PPM1A: variants seen among roughly 807,000 people sequenced by gnomAD.
The protein encoded by PPM1A is protein phosphatase, Mg2+/Mn2+ dependent 1A, also known as protein phosphatase 1A.
Under a neutral mutation model 35.0 loss-of-function variants are expected in PPM1A, and 7 were observed. The ratio of observed to expected loss-of-function variants is 0.20; its 90% CI spans 0.11 to 0.38. The LOEUF (loss-of-function observed/expected upper bound fraction) is 0.38. Ranked by LOEUF, PPM1A falls within the 10% of genes least tolerant of loss-of-function variation. PPM1A has a pLI of 1.00. For synonymous variants in PPM1A, 153 were observed against 167.3 expected, an observed-to-expected ratio of 0.91 and a Z score of 0.66; for missense variants, 239 against 467.8, an observed-to-expected ratio of 0.51 and a Z score of 4.51.
upstream of PPM1A, chr14:60,245,937 G>A (rs1344741912): frequency 1.9e-6 from 3 of 1,578,478 alleles, no homozygotes; most frequent in Non-Finnish European, 2.6e-6. This position sits in a 1 kb window ranked among gnomAD's most constrained non-coding sequence, Gnocchi z 4.2. Context: ...GGAAGAGAAG[G>A]GCAAAGAAGG....
chr14:60,247,386 T>A (rs897131800), upstream of PPM1A, among the ~76,000 whole-genome samples: 1 of 151,918 alleles, frequency 6.6e-6, no homozygotes, highest in Non-Finnish European at 1.5e-5. Context: ...TCCCAGCACT[T>A]TGGGAGGCCG....
In PPM1A at chr14:60,283,732, G is replaced by A. The variant is rs1283373356; in HGVS notation, c.834+195G>A. On this transcript the variant is annotated intron_variant, in intron 2 of 5. Transcript: ENST00000395076. The surrounding 1 kb of genome is among the most constrained non-coding windows in gnomAD (Gnocchi z 6.3). ...TTACCCAATTACCATCTCTGCAAGA[G>A]TTATAAGCTGAATGTTTAGTCTTAC... Among the ~76,000 whole-genome samples the A allele has an allele frequency of 6.6e-6, 1 of 152,166 alleles. No individual in the cohort carries two copies. The highest frequency in any genetic ancestry group is 1.5e-5 in the Non-Finnish European group (1 of 68,038).
upstream of PPM1A, chr14:60,249,165 CGGAGGGGTGGGGGAGG>C (rs1217993512): frequency 2.2e-6 from 2 of 916,438 alleles, no homozygotes; most frequent in African/African-American, 3.6e-5. The surrounding 1 kb of genome is among the most constrained non-coding windows in gnomAD (Gnocchi z 4.5). Flanking sequence ...GCGGGGCGAG[CGGAGGGGTGGGGGAGG>C]GGCGACGCGG....
Position 60,296,189 on chromosome 14 carries a change from T to C in PPM1A, c.*3707T>C, listed in dbSNP as rs1269849668. 6.6e-6 allele frequency: 1 copy of C among 151,754 alleles called. No homozygotes were observed. Among genetic ancestry groups the C allele is most frequent in the Non-Finnish European group, 1.5e-5 (1 of 67,702 alleles). The allele number at this position is 151,754 out of a possible 1,614,324, so 9.4% of individuals were successfully genotyped here. On this transcript the variant is annotated 3_prime_UTR_variant, in exon 6 of 6. Coordinates refer to ENST00000395076, the MANE Select transcript of PPM1A (RefSeq NM_021003.5). This position sits in a 1 kb window ranked among gnomAD's most constrained non-coding sequence, Gnocchi z 4.4. ...CACACTGCCAGTGTTAATATCAAAT[T>C]TTAGCCAAATTATTACTATGTGTTT...
chr14:60,247,223 G>A (rs1310816380), upstream of PPM1A, among the ~76,000 whole-genome samples: 1 of 152,094 alleles, frequency 6.6e-6, no homozygotes, highest in Non-Finnish European at 1.5e-5. Flanking sequence ...TTTTTGGGGG[G>A]TCGGGGAGAT....
Position 60,285,529 on chromosome 14 carries a change from A to C in PPM1A, c.835-95A>C, listed in dbSNP as rs1886919738. 3 of 1,288,586 alleles carry C rather than the reference A, an allele frequency of 2.3e-6. No homozygotes were observed. The Admixed American group carries it at 6.5e-5, about 28-fold the overall frequency. The allele number at this position is 1,288,586 out of a possible 1,614,324, so 79.8% of individuals were successfully genotyped here. A position where few individuals can be genotyped will look rare whatever the true frequency, so the allele number is the denominator to read the frequency against. Reference sequence around the variant, plus strand: ...CCCTGAAAGTAACATTTTCACTAGAACAAGTATAACTGTAATTGGCACAGC... The same window carrying C: ...CCCTGAAAGTAACATTTTCACTAGACCAAGTATAACTGTAATTGGCACAGC... On this transcript the variant is annotated intron_variant, in intron 2 of 5. Transcript: ENST00000395076.
intron 1 of PPM1A, among the ~76,000 whole-genome samples, chr14:60,271,549 A>G (rs1475674574): frequency 6.6e-6 from 1 of 152,216 alleles, no homozygotes; most frequent in Admixed American, 6.5e-5. Flanking sequence ...CTCTGATGCC[A>G]TGGTGGAAAA....
rs772408566 is a variant in PPM1A, at chr14:60,289,660, ATT to A, written c.953-133_953-132del. The A allele has an allele frequency of 1.0e-3, 493 of 473,696 alleles. No homozygotes were observed. Among genetic ancestry groups the A allele is most frequent in the Middle Eastern group, 1.7e-3 (3 of 1,774 alleles). The allele number at this position is 473,696 out of a possible 1,614,324, so 29.3% of individuals were successfully genotyped here. On this transcript the variant is annotated intron_variant, in intron 3 of 5. Coordinates refer to ENST00000395076, the MANE Select transcript of PPM1A (RefSeq NM_021003.5). The surrounding 1 kb of genome is among the most constrained non-coding windows in gnomAD (Gnocchi z 4.1). ...TCATAAATCTTCAAAGGTCAACCTG[ATT>A]TTTTTTTTTTTTAAATGATACCAGA...
At chr14:60,263,856 T>C (rs1884062567) in intron 1 of PPM1A, among the ~76,000 whole-genome samples, 1 of 152,164 alleles carries the variant, frequency 6.6e-6, no homozygotes, top group South Asian at 2.1e-4. Context: ...TAAGGTAGTT[T>C]GTTTCTTTCT....
intron 1 of PPM1A, among the ~76,000 whole-genome samples, chr14:60,268,743 A>G (rs1271031226): frequency 6.6e-6 from 1 of 151,592 alleles, no homozygotes; most frequent in Admixed American, 6.6e-5. Flanking sequence ...CACATCTCAG[A>G]ATTTGATAGG....
chr14:60,287,596 A>G (rs1428180930), intron 3 of PPM1A: 2 of 984,980 alleles, frequency 2.0e-6, no homozygotes, highest in South Asian at 4.7e-5. Flanking sequence ...TGCCTTCACT[A>G]GATTGCTGTG....
chr14:60,275,671 C>T (rs771177297), intron 1 of PPM1A, among the ~76,000 whole-genome samples: 4 of 151,772 alleles, frequency 2.6e-5, no homozygotes, highest in Admixed American at 6.6e-5. Context: ...TACAGAGTCA[C>T]GCTATTTTGC....
In PPM1A at chr14:60,282,686, C is replaced by T; in HGVS notation, c.-18C>T. The T allele has an allele frequency of 6.2e-7, 1 of 1,612,532 alleles. No individual in the cohort carries two copies. Among genetic ancestry groups the T allele is most frequent in the African/African-American group, 1.3e-5 (1 of 74,980 alleles). Reference sequence around the variant, plus strand: ...TTCCTGTTTCTCTTCCTTTGCAGACCTAGAGGATCAAGACATAATGGGAGC... The same window carrying T: ...TTCCTGTTTCTCTTCCTTTGCAGACTTAGAGGATCAAGACATAATGGGAGC... On this transcript the variant is annotated splice_region_variant and 5_prime_UTR_variant, in exon 2 of 6. Coordinates refer to ENST00000395076, the MANE Select transcript of PPM1A (RefSeq NM_021003.5). The surrounding 1 kb of genome is among the most constrained non-coding windows in gnomAD (Gnocchi z 5.1).
rs956992307 is a variant in PPM1A, at chr14:60,249,741, G to A, written c.-21+64G>A. 14 of 952,630 alleles carry A rather than the reference G, an allele frequency of 1.5e-5. No individual in the cohort carries two copies. The African/African-American group carries it at 2.3e-4, about 16-fold the overall frequency. The allele number at this position is 952,630 out of a possible 1,614,324, so 59.0% of individuals were successfully genotyped here. ...GGTGCGGGCCTGCGCGGCGGCGGCG[G>A]CGGGCAGGCCTGGGGCCTGTAAACA... On this transcript the variant is annotated intron_variant, in intron 1 of 5. Transcript: ENST00000395076. The surrounding 1 kb of genome is among the most constrained non-coding windows in gnomAD (Gnocchi z 4.5).
At chr14:60,263,472 TATCTA>T (rs1265946224) in intron 1 of PPM1A, among the ~76,000 whole-genome samples, 1 of 152,236 alleles carries the variant, frequency 6.6e-6, no homozygotes. Context: ...ACTTCATTTG[TATCTA>T]ATCTATTTAA....
At chr14:60,249,219 C>T, upstream of PPM1A, 2 of 984,434 alleles carry the variant, frequency 2.0e-6, no homozygotes, top group Non-Finnish European at 2.4e-6. The surrounding 1 kb of genome is among the most constrained non-coding windows in gnomAD (Gnocchi z 4.5). Context: ...CGGGGCCGCG[C>T]TAGAGGCGGC....
Position 60,283,736 on chromosome 14 carries a change from T to C in PPM1A, c.834+199T>C, listed in dbSNP as rs1353117157. 6.6e-6 allele frequency among the ~76,000 whole-genome samples: 1 copy of C among 152,238 alleles called. No individual in the cohort carries two copies. Among genetic ancestry groups the C allele is most frequent in the African/African-American group, 2.4e-5 (1 of 41,460 alleles). On this transcript the variant is annotated intron_variant, in intron 2 of 5. Coordinates refer to ENST00000395076, the MANE Select transcript of PPM1A (RefSeq NM_021003.5). The surrounding 1 kb of genome is among the most constrained non-coding windows in gnomAD (Gnocchi z 6.3). ...CCAATTACCATCTCTGCAAGAGTTATAAGCTGAATGTTTAGTCTTACTACT... is the reference window on the plus strand; with the variant it reads ...CCAATTACCATCTCTGCAAGAGTTACAAGCTGAATGTTTAGTCTTACTACT...
intron 1 of PPM1A, among the ~76,000 whole-genome samples, chr14:60,267,847 C>T (rs1167628831): frequency 3.3e-5 from 5 of 152,014 alleles, no homozygotes; most frequent in African/African-American, 7.2e-5. Flanking sequence ...TATTCATATT[C>T]TCTTGGCATG....
rs1165154565 is a variant in PPM1A at position 60,249,447 on chromosome 14, C to G, written c.-251C>G. ...TCCTTCTCCGGGACCCGCTCTCTGCCTCCCTCTCCAACGCCCGGATGATCT... is the reference window on the plus strand; with the variant it reads ...TCCTTCTCCGGGACCCGCTCTCTGCGTCCCTCTCCAACGCCCGGATGATCT... On this transcript the variant is annotated 5_prime_UTR_variant, in exon 1 of 6. Transcript: ENST00000395076. This position sits in a 1 kb window ranked among gnomAD's most constrained non-coding sequence, Gnocchi z 4.5. 6.1e-6 allele frequency: 6 copies of G among 985,322 alleles called. No individual in the cohort carries two copies. Among genetic ancestry groups the G allele is most frequent in the Middle Eastern group, 1.0e-3 (2 of 1,918 alleles). The allele number at this position is 985,322 out of a possible 1,614,324, so 61.0% of individuals were successfully genotyped here. A position where few individuals can be genotyped will look rare whatever the true frequency, so the allele number is the denominator to read the frequency against.
Sources: gnomAD v4.1 joint callset for allele counts (sites outside exome capture counted in the v4.1 genomes callset) on GRCh38, gnomAD v4.1.1 for gene constraint, Gnocchi (gnomAD v3.1) non-coding constraint, MANE v1.5 for transcripts, NCBI Gene and HGNC (gene_info 2026-07-23, HGNC 2026-07-21) for gene names.